ABL1: variants seen among roughly 807,000 people sequenced by gnomAD.
ABL1 encodes tyrosine-protein kinase ABL1.
A neutral mutation model predicts 94.7 loss-of-function variants in ABL1; 11 were observed. The observed-to-expected ratio is 0.12, with a 90% CI of 0.07 to 0.19. ABL1 has a LOEUF of 0.19. Among genes scored for constraint, ABL1 ranks in the 10% least tolerant of loss-of-function variants. The pLI, the probability that ABL1 is intolerant of heterozygous loss-of-function variation, is 1.00. For missense variants in ABL1, 1,082 were observed against 1,489.4 expected (o/e 0.73, Z 4.50); for synonymous variants, 656 against 622.4 (o/e 1.05, Z -0.80).
chr9:130,728,834 C>G (rs1831625685), intron 1 of ABL1, among the ~76,000 whole-genome samples: 1 of 151,972 alleles, frequency 6.6e-6, no homozygotes, highest in Non-Finnish European at 1.5e-5. Flanking sequence ...ATCTTGGGGT[C>G]TGTTTTTATT....
intron 1 of ABL1, among the ~76,000 whole-genome samples, chr9:130,742,745 T>C (rs1831835483): frequency 6.6e-6 from 1 of 152,194 alleles, no homozygotes; most frequent in Non-Finnish European, 1.5e-5. Context: ...ATTAGAATTT[T>C]GTGAGCAAAC....
upstream of ABL1, among the ~76,000 whole-genome samples, chr9:130,830,835 T>G (rs563546993): frequency 3.8e-3 from 582 of 152,268 alleles, 3 homozygotes; most frequent in African/African-American, 0.014. Context: ...CTCTGAGAGG[T>G]GAAGTCGTTG....
In ABL1 at chr9:130,884,578, C is replaced by T; in HGVS notation, c.2288C>T (p.Pro763Leu). The T allele has an allele frequency of 6.2e-7, 1 of 1,613,356 alleles. No homozygotes were observed. The highest frequency in any genetic ancestry group is 8.5e-7 in the Non-Finnish European group (1 of 1,180,034). ...CACAAAAGTGAGAAGCCGGCTCTGCCTCGGAAGAGGGCAGGGGAGAACAGG... is the reference window on the plus strand; with the variant it reads ...CACAAAAGTGAGAAGCCGGCTCTGCTTCGGAAGAGGGCAGGGGAGAACAGG... ...GGHKSEKPAL[P>L]RKRAGENRSD... Residue 763 changes from proline (P) to leucine (L), a missense_variant, in exon 11 of 11, where the codon CCT (proline) becomes CTT (leucine). Around this residue, in one of 7 missense-constraint regions of ABL1, gnomAD observed 780 missense variants for 835.8 expected, o/e 0.93. Coordinates refer to ENST00000318560, the MANE Select transcript of ABL1 (RefSeq NM_005157.6). The surrounding 1 kb of genome is among the most constrained non-coding windows in gnomAD (Gnocchi z 5.6).
Position 130,884,866 on chromosome 9 carries a change from C to T in ABL1, c.2576C>T (p.Ser859Leu), listed in dbSNP as rs948540187. The T allele has an allele frequency of 6.2e-7, 1 of 1,607,126 alleles. No homozygotes were observed. The highest frequency in any genetic ancestry group is 8.5e-7 in the Non-Finnish European group (1 of 1,176,894). The change falls in exon 11 of 11, where the codon TCA becomes TTA. Residue 859 changes from serine to leucine, a missense_variant. Physicochemically the swap from Ser to Leu is moderately radical, Grantham distance 145 (BLOSUM62 -2). Around this residue, in one of 7 missense-constraint regions of ABL1, gnomAD observed 780 missense variants for 835.8 expected, o/e 0.93. Coordinates refer to ENST00000318560, the MANE Select transcript of ABL1 (RefSeq NM_005157.6). The surrounding 1 kb of genome is among the most constrained non-coding windows in gnomAD (Gnocchi z 5.6). ...EPVTPTSKAG[S>L]GAPGGTSKGP... The stretch of plus-strand genomic sequence containing the variant: ...GTGACCCCCACCAGCAAAGCAGGCT[C>T]AGGTGCACCAGGGGGCACCAGCAAG...
At chr9:130,758,360 G>A (rs2313528) in intron 1 of ABL1, among the ~76,000 whole-genome samples, 78,871 of 151,664 alleles carry the variant, frequency 0.52, 21,986 homozygotes, top group African/African-American at 0.72. Context: ...GGGTTTCACC[G>A]TGTTGGCCAG....
At chr9:130,882,540 T>C (rs933277941) in intron 10 of ABL1, among the ~76,000 whole-genome samples, 1 of 152,002 alleles carries the variant, frequency 6.6e-6, no homozygotes, top group Non-Finnish European at 1.5e-5. Flanking sequence ...CCAAAAAGAT[T>C]TCCTTTTTTT....
chr9:130,799,878 T>A (rs1198727454), intron 1 of ABL1, among the ~76,000 whole-genome samples: 1 of 152,066 alleles, frequency 6.6e-6, no homozygotes, highest in African/African-American at 2.4e-5. Flanking sequence ...TTATACTTTT[T>A]TTTTTTTCTT....
intron 1 of ABL1, among the ~76,000 whole-genome samples, chr9:130,797,264 A>G (rs1588242452): frequency 7.8e-6 from 1 of 128,258 alleles, no homozygotes. Flanking sequence ...AAAAAAAAAA[A>G]AGAACTTTGA....
chr9:130,778,892 A>G (rs758850007), intron 1 of ABL1, among the ~76,000 whole-genome samples: 1 of 151,880 alleles, frequency 6.6e-6, no homozygotes, highest in South Asian at 2.1e-4. Flanking sequence ...AGCCCATTCA[A>G]CCAAATATAC....
chr9:130,773,971 A>G (rs1200014285), intron 1 of ABL1, among the ~76,000 whole-genome samples: 1 of 152,156 alleles, frequency 6.6e-6, no homozygotes, highest in Admixed American at 6.5e-5. Flanking sequence ...TTCCCGGTCC[A>G]ATACTTACCT....
intron 1 of ABL1, among the ~76,000 whole-genome samples, chr9:130,735,961 A>ATATATATATATATTTTTTT (rs573602038): frequency 4.2e-5 from 4 of 94,848 alleles, no homozygotes; most frequent in East Asian, 4.1e-4. Flanking sequence ...ATATATATAT[A>ATATATATATATATTTTTTT]TTTTTTTTTT....
chr9:130,766,996 C>T (rs1003761794), intron 1 of ABL1, among the ~76,000 whole-genome samples: 2 of 152,254 alleles, frequency 1.3e-5, no homozygotes, highest in Admixed American at 6.5e-5. Context: ...GAATTTCCCT[C>T]CTGTCACTCC....
chr9:130,853,117 G>C (rs1023460950), intron 1 of ABL1, among the ~76,000 whole-genome samples: 4 of 151,720 alleles, frequency 2.6e-5, no homozygotes, highest in African/African-American at 9.7e-5. Context: ...GAGAGGACTG[G>C]GATAGAAAGT....
chr9:130,759,796 G>A (rs926673029), intron 1 of ABL1, among the ~76,000 whole-genome samples: 1 of 151,818 alleles, frequency 6.6e-6, no homozygotes, highest in Non-Finnish European at 1.5e-5. Flanking sequence ...TAGGTTTCTT[G>A]TTTTGTTTTT....
At chr9:130,785,303 G>A (rs1031675206) in intron 1 of ABL1, among the ~76,000 whole-genome samples, 2 of 152,068 alleles carry the variant, frequency 1.3e-5, no homozygotes, top group African/African-American at 2.4e-5. Context: ...GGGTGGTACC[G>A]TGCACCAGCT....
intron 1 of ABL1, among the ~76,000 whole-genome samples, chr9:130,745,504 A>G (rs921221460): frequency 1.3e-5 from 2 of 151,934 alleles, no homozygotes; most frequent in Admixed American, 6.6e-5. Flanking sequence ...AACAATAGCA[A>G]AACTCATGAT....
intron 2 of ABL1, 114 bp downstream of exon 2, chr9:130,854,351 G>A: frequency 1.6e-6 from 2 of 1,220,342 alleles, no homozygotes; most frequent in Non-Finnish European, 2.3e-6. Flanking sequence ...CTGGACTGCA[G>A]GGATATCCAA....
chr9:130,784,998 G>A (rs1829807807), intron 1 of ABL1, among the ~76,000 whole-genome samples: 1 of 152,160 alleles, frequency 6.6e-6, no homozygotes, highest in Non-Finnish European at 1.5e-5. Context: ...TCAACCTGAC[G>A]ACCAGTCTAC....
intron 1 of ABL1, among the ~76,000 whole-genome samples, chr9:130,779,390 C>T (rs1289900620): frequency 6.6e-6 from 1 of 152,184 alleles, no homozygotes; most frequent in East Asian, 1.9e-4. Context: ...ATAAAAATTC[C>T]ATCCTTCTTG....
Sources: allele counts gnomAD v4.1 joint callset (sites outside exome capture counted in the v4.1 genomes callset), GRCh38; gene constraint gnomAD v4.1.1; regional missense constraint gnomAD v4.1.1; non-coding constraint Gnocchi (gnomAD v3.1); transcripts MANE v1.5; gene names NCBI Gene and HGNC (gene_info 2026-07-23, HGNC 2026-07-21).